The following OSBPL10 variants were observed in gnomAD, a reference collection of about 807,000 sequenced individuals.
OSBPL10 encodes the protein oxysterol binding protein like 10.
In OSBPL10, 49 loss-of-function variants were observed where a neutral mutation model predicts 81.7. The observed-to-expected ratio is 0.60, with a 90% CI of 0.48 to 0.76. The LOEUF is 0.76. OSBPL10 is among the 30% of genes least tolerant of loss of function. OSBPL10 has a pLI of 0.00. For missense variants in OSBPL10, 923 were observed against 987.8 expected, an observed-to-expected ratio of 0.93 and a Z score of 0.88; for synonymous variants, 419 against 383.6, an observed-to-expected ratio of 1.09 and a Z score of -1.08.
intron 1 of OSBPL10, among the ~76,000 whole-genome samples, chr3:31,905,391 C>G (rs749804546): frequency 7.4e-6 from 1 of 134,240 alleles, no homozygotes; most frequent in Admixed American, 8.6e-5. Context: ...GTTCTGTCAC[C>G]CAGGCTGGAG....
At chr3:32,009,273 T>C (rs975250942) in intron 2 of OSBPL10, among the ~76,000 whole-genome samples, 4 of 152,366 alleles carry the variant, frequency 2.6e-5, no homozygotes, top group African/African-American at 7.2e-5. Context: ...GTTGTTGAAC[T>C]TGCAGTCGTA....
chr3:31,922,523 C>T (rs1696946656), intron 1 of OSBPL10, among the ~76,000 whole-genome samples: 1 of 152,084 alleles, frequency 6.6e-6, no homozygotes, highest in Admixed American at 6.6e-5. Context: ...GAGACTGAGG[C>T]AAGAGAATCG....
At chr3:31,917,633 G>A (rs1431320110) in intron 1 of OSBPL10, among the ~76,000 whole-genome samples, 1 of 149,410 alleles carries the variant, frequency 6.7e-6, no homozygotes. Flanking sequence ...AAAGAAACTA[G>A]CTGTTGAGAT....
At chr3:32,015,685 G>A (rs1336919584) in intron 2 of OSBPL10, among the ~76,000 whole-genome samples, 2 of 152,012 alleles carry the variant, frequency 1.3e-5, no homozygotes, top group Non-Finnish European at 2.9e-5. Flanking sequence ...GGGAGAAAAT[G>A]TTTGCAATCT....
intron 1 of OSBPL10, among the ~76,000 whole-genome samples, chr3:32,057,671 A>G (rs1447675872): frequency 6.6e-6 from 1 of 152,222 alleles, no homozygotes; most frequent in Non-Finnish European, 1.5e-5. Context: ...CCATGATCCA[A>G]TTACCTCCAC....
chr3:31,916,997 C>T (rs937366082), intron 1 of OSBPL10, among the ~76,000 whole-genome samples: 1 of 152,000 alleles, frequency 6.6e-6, no homozygotes, highest in East Asian at 2.0e-4. Flanking sequence ...CGATTTCAAG[C>T]CTCTCCAAAA....
At chr3:31,911,997 C>A (rs1477971979) in intron 1 of OSBPL10, among the ~76,000 whole-genome samples, 1 of 151,772 alleles carries the variant, frequency 6.6e-6, no homozygotes, top group Non-Finnish European at 1.5e-5. Context: ...GGTTGCAAAA[C>A]AATGTGAATG....
chr3:31,958,575 C>G (rs945242873), intron 1 of OSBPL10, among the ~76,000 whole-genome samples: 2 of 151,716 alleles, frequency 1.3e-5, no homozygotes, highest in South Asian at 2.1e-4. Flanking sequence ...ATTTTTTTCC[C>G]AAAAAAAGTC....
intron 5 of OSBPL10, among the ~76,000 whole-genome samples, chr3:31,746,498 G>C (rs1234856863): frequency 6.6e-6 from 1 of 151,916 alleles, no homozygotes; most frequent in African/African-American, 2.4e-5. Context: ...GAACAACGTG[G>C]AGAAACCCCA....
chr3:31,702,139 G>A (rs1313018643), intron 7 of OSBPL10, among the ~76,000 whole-genome samples: 1 of 152,158 alleles, frequency 6.6e-6, no homozygotes, highest in Non-Finnish European at 1.5e-5. Context: ...CTCCTCCCAA[G>A]ATCAAATGCA....
At chr3:31,789,995 T>C (rs1200880099) in intron 4 of OSBPL10, among the ~76,000 whole-genome samples, 1 of 152,052 alleles carries the variant, frequency 6.6e-6, no homozygotes, top group Non-Finnish European at 1.5e-5. Context: ...TACTTTACCA[T>C]AACATTAATT....
intron 1 of OSBPL10, among the ~76,000 whole-genome samples, chr3:31,958,066 C>T (rs1698060753): frequency 1.3e-5 from 2 of 152,166 alleles, no homozygotes; most frequent in Admixed American, 1.3e-4. Context: ...TAAACGTGTG[C>T]TATGTCTTAG....
At chr3:32,020,843 C>T (rs2125545068) in intron 2 of OSBPL10, among the ~76,000 whole-genome samples, 1 of 152,288 alleles carries the variant, frequency 6.6e-6, no homozygotes, top group East Asian at 1.9e-4. Flanking sequence ...TGTTAGTCCG[C>T]TAGGACTGCC....
At chr3:31,812,317 C>G (rs960646531) in intron 4 of OSBPL10, among the ~76,000 whole-genome samples, 1 of 152,222 alleles carries the variant, frequency 6.6e-6, no homozygotes, top group Non-Finnish European at 1.5e-5. Flanking sequence ...CAGGCGTAAG[C>G]CACCGCGCCT....
intron 7 of OSBPL10, among the ~76,000 whole-genome samples, chr3:31,690,823 T>C (rs754691393): frequency 5.3e-5 from 8 of 152,354 alleles, no homozygotes; most frequent in East Asian, 1.9e-4. Context: ...AACCAGCAAC[T>C]GAACATTCTG....
intron 1 of OSBPL10, among the ~76,000 whole-genome samples, chr3:31,965,155 G>A (rs1265047707): frequency 6.6e-6 from 1 of 151,608 alleles, no homozygotes. Context: ...GGATCACGAG[G>A]TCAGGAGATT....
At chr3:32,032,149 A>G (rs1410895780) in intron 2 of OSBPL10, among the ~76,000 whole-genome samples, 1 of 152,088 alleles carries the variant, frequency 6.6e-6, no homozygotes, top group Non-Finnish European at 1.5e-5. Context: ...CCAGGCATGA[A>G]AGCTCATGCC....
chr3:32,059,941 A>G (rs1387232202), intron 1 of OSBPL10, among the ~76,000 whole-genome samples: 2 of 152,110 alleles, frequency 1.3e-5, no homozygotes, highest in East Asian at 1.9e-4. Context: ...GGCTAAATTA[A>G]TATAGGGTTC....
chr3:31,981,289 A>C, upstream of OSBPL10: 2 of 1,284,134 alleles, frequency 1.6e-6, no homozygotes, highest in East Asian at 3.3e-5. This position sits in a 1 kb window ranked among gnomAD's most constrained non-coding sequence, Gnocchi z 4.5. Flanking sequence ...CCTGCTCCAA[A>C]TCCCCGGGAA....
Sources: allele counts gnomAD v4.1 joint callset (sites outside exome capture counted in the v4.1 genomes callset), GRCh38; gene constraint gnomAD v4.1.1; non-coding constraint Gnocchi (gnomAD v3.1); transcripts MANE v1.5; gene names NCBI Gene and HGNC (gene_info 2026-07-23, HGNC 2026-07-21).